GRIA4: variants seen among roughly 807,000 people sequenced by gnomAD.
GRIA4 encodes glutamate ionotropic receptor AMPA type subunit 4, also known as glutamate receptor 4.
A neutral mutation model predicts 104.0 loss-of-function variants in GRIA4; 34 were observed. That is an observed-to-expected ratio of 0.33 (90% CI 0.25 to 0.44). The LOEUF is 0.44. Ranked by LOEUF, GRIA4 falls within the 20% of genes least tolerant of loss-of-function variation. The pLI is 1.00. For missense variants in GRIA4, 750 were observed against 1,096.5 expected (o/e 0.68, Z 4.46); for synonymous variants, 386 against 381.9 (o/e 1.01, Z -0.13).
intron 3 of GRIA4, among the ~76,000 whole-genome samples, chr11:105,715,412 T>C (rs925480370): frequency 1.6e-4 from 24 of 152,184 alleles, no homozygotes; most frequent in Non-Finnish European, 2.2e-4. Flanking sequence ...AATAAAATTA[T>C]GTAACTGTCT....
intron 3 of GRIA4, among the ~76,000 whole-genome samples, chr11:105,625,772 G>T (rs977469838): frequency 7.9e-5 from 12 of 151,966 alleles, no homozygotes; most frequent in African/African-American, 2.4e-4. Flanking sequence ...TCATTATATT[G>T]GTTCCTGTTA....
At chr11:105,770,322 G>A (rs758700549) in intron 4 of GRIA4, among the ~76,000 whole-genome samples, 13 of 151,954 alleles carry the variant, frequency 8.6e-5, no homozygotes, top group Non-Finnish European at 1.6e-4. Context: ...TAAAAGTCTC[G>A]TGTTTAATAT....
chr11:105,859,381 T>C (rs1945134550), intron 4 of GRIA4, among the ~76,000 whole-genome samples: 1 of 152,204 alleles, frequency 6.6e-6, no homozygotes, highest in Non-Finnish European at 1.5e-5. Flanking sequence ...CAACAAAGAT[T>C]GTGTCCTAGG....
chr11:105,824,766 G>A (rs527275250), intron 4 of GRIA4: 6 of 152,112 alleles, frequency 3.9e-5, no homozygotes, highest in Non-Finnish European at 8.8e-5. Context: ...ATCAAGGCTA[G>A]CCTTATCTTT....
At chr11:105,954,617 G>C (rs1948537441) in intron 14 of GRIA4, among the ~76,000 whole-genome samples, 1 of 151,884 alleles carries the variant, frequency 6.6e-6, no homozygotes, top group African/African-American at 2.4e-5. Flanking sequence ...ACACACACTT[G>C]TTTCTTTTTC....
At chr11:105,952,220 T>C (rs974768698) in intron 14 of GRIA4, among the ~76,000 whole-genome samples, 2 of 152,158 alleles carry the variant, frequency 1.3e-5, no homozygotes, top group Non-Finnish European at 2.9e-5. Context: ...TTAATCTGTG[T>C]TCAAGTTGCC....
In GRIA4 at chr11:105,629,117, T is replaced by C. The variant is rs566050359; in HGVS notation, c.247+16683T>C. ...AAAATTAGCGTGGCTGCCACTGCTA[T>C]ATAGTCCCAGCTACTCAGGAGGCTG... On this transcript the variant is annotated intron_variant, in intron 3 of 16. Coordinates refer to ENST00000282499, the MANE Select transcript of GRIA4 (RefSeq NM_000829.4). Among the ~76,000 whole-genome samples, 217 of 150,088 alleles carry C rather than the reference T, an allele frequency of 1.4e-3. 1 individual carries two copies. Among genetic ancestry groups the C allele is most frequent in the African/African-American group, 5.0e-3 (204 of 40,798 alleles).
At chr11:105,894,265 A>G (rs1035254622) in intron 6 of GRIA4, among the ~76,000 whole-genome samples, 1 of 152,180 alleles carries the variant, frequency 6.6e-6, no homozygotes, top group Non-Finnish European at 1.5e-5. Flanking sequence ...GCAGGAGTAT[A>G]AGGTGAAAAA....
chr11:105,853,351 T>C (rs1944888553), intron 4 of GRIA4, among the ~76,000 whole-genome samples: 1 of 152,144 alleles, frequency 6.6e-6, no homozygotes, highest in African/African-American at 2.4e-5. Context: ...TAAATAAAGA[T>C]TATGAAAATT....
chr11:105,776,147 G>A (rs1304830896), intron 4 of GRIA4, among the ~76,000 whole-genome samples: 1 of 151,958 alleles, frequency 6.6e-6, no homozygotes, highest in African/African-American at 2.4e-5. Flanking sequence ...AAGAGGCTAG[G>A]GGAGTTGCTA....
intron 3 of GRIA4, among the ~76,000 whole-genome samples, chr11:105,646,873 T>C (rs551506999): frequency 6.6e-6 from 1 of 152,250 alleles, no homozygotes; most frequent in South Asian, 2.1e-4. Context: ...ATTCAGAACA[T>C]AGGCTCCAGT....
chr11:105,895,141 C>T (rs1946604943), intron 6 of GRIA4, among the ~76,000 whole-genome samples: 1 of 152,154 alleles, frequency 6.6e-6, no homozygotes. Context: ...AAACAAAACA[C>T]TCTCCTTCAT....
intron 3 of GRIA4, among the ~76,000 whole-genome samples, chr11:105,701,860 G>A (rs188774299): frequency 1.3e-4 from 20 of 152,088 alleles, no homozygotes; most frequent in Non-Finnish European, 1.8e-4. Context: ...AAAAGTAAAC[G>A]TTTTAATTTA....
rs1287585007 is a variant in GRIA4 at position 105,753,183 on chromosome 11, A to G, written c.450A>G (p.Glu150=). The G allele has an allele frequency of 3.7e-6, 6 of 1,613,748 alleles. No individual in the cohort carries two copies. The highest frequency in any genetic ancestry group is 5.1e-6 in the Non-Finnish European group (6 of 1,179,754). The part of the protein sequence containing the change: ...GALLSLLDHY[E]WNCFVFLYDT... ...TCTTGAGTTTGCTGGATCACTACGA[A>G]TGGAACTGTTTTGTCTTCCTGTATG... The change falls in exon 4 of 17, where the codon GAA becomes GAG. Residue 150 remains glutamate, a synonymous_variant. Coordinates refer to ENST00000282499, the MANE Select transcript of GRIA4 (RefSeq NM_000829.4).
chr11:105,862,186 G>A lies in GRIA4; in HGVS notation c.650G>A (p.Arg217Lys). The stretch of plus-strand genomic sequence containing the variant: ...TTTGTAATAGACTGTGAGATAGAGA[G>A]ACTTCAAAACATATTAGAACAGGTA... Reference protein sequence around the residue: ...KKFVIDCEIERLQNILEQIVS... With the variant: ...KKFVIDCEIEKLQNILEQIVS... The change falls in exon 5 of 17, where the codon AGA (arginine) becomes AAA (lysine). Residue 217 changes from arginine to lysine, a missense_variant. By Grantham distance (26) the Arg-to-Lys change is conservative (BLOSUM62 2). This residue lies in a region of GRIA4 where 410 missense variants were observed against 502.7 expected (regional missense o/e 0.82). Coordinates refer to ENST00000282499, the MANE Select transcript of GRIA4 (RefSeq NM_000829.4). 1 of 1,594,836 alleles carries A rather than the reference G, an allele frequency of 6.3e-7. No individual in the cohort carries two copies. Among genetic ancestry groups the A allele is most frequent in the Non-Finnish European group, 8.6e-7 (1 of 1,162,686 alleles).
At chr11:105,730,844 G>A (rs1214429210) in intron 3 of GRIA4, among the ~76,000 whole-genome samples, 1 of 152,146 alleles carries the variant, frequency 6.6e-6, no homozygotes, top group Non-Finnish European at 1.5e-5. Flanking sequence ...ACTGAAACTT[G>A]ACCCCTTCCT....
chr11:105,870,181 A>AAT (rs1945562628), intron 5 of GRIA4, among the ~76,000 whole-genome samples: 2 of 150,970 alleles, frequency 1.3e-5, no homozygotes, highest in Middle Eastern at 3.4e-3. Context: ...TGTGTGATGA[A>AAT]ATATATATAT....
At chr11:105,962,730 T>C (rs725054) in intron 14 of GRIA4, among the ~76,000 whole-genome samples, 2 of 152,178 alleles carry the variant, frequency 1.3e-5, no homozygotes, top group African/African-American at 2.4e-5. Flanking sequence ...TGCAACGTCA[T>C]TGTCAACACA....
chr11:105,614,795 G>T (rs1591440571), intron 3 of GRIA4, among the ~76,000 whole-genome samples: 1 of 151,858 alleles, frequency 6.6e-6, no homozygotes, highest in South Asian at 2.1e-4. Flanking sequence ...CAAGAGTGTG[G>T]GTCAGGTGAT....
Sources: allele counts gnomAD v4.1 joint callset (sites outside exome capture counted in the v4.1 genomes callset), GRCh38; gene constraint gnomAD v4.1.1; regional missense constraint gnomAD v4.1.1; transcripts MANE v1.5; gene names NCBI Gene and HGNC (gene_info 2026-07-23, HGNC 2026-07-21).